The following MARCHF1 variants were observed in gnomAD, a reference collection of about 807,000 sequenced individuals.
MARCHF1 encodes E3 ubiquitin-protein ligase MARCHF1.
Under a neutral mutation model 54.2 loss-of-function variants are expected in MARCHF1, and 40 were observed. That is an observed-to-expected ratio of 0.74 (90% confidence interval 0.57 to 0.96). MARCHF1 has a LOEUF of 0.96. MARCHF1 is among the 40% of genes least tolerant of loss of function. The pLI is 0.00. For synonymous variants in MARCHF1, 236 were observed against 236.3 expected (o/e 1.00, Z 0.01); for missense variants, 586 against 656.5 (o/e 0.89, Z 1.17).
chr4:163,914,910 C>T (rs1174282016), intron 3 of MARCHF1, among the ~76,000 whole-genome samples: 1 of 152,054 alleles, frequency 6.6e-6, no homozygotes, highest in East Asian at 1.9e-4. Flanking sequence ...TTGAATACTT[C>T]GAGCTGCCGT....
intron 4 of MARCHF1, among the ~76,000 whole-genome samples, chr4:163,752,399 G>T (rs1331494969): frequency 6.6e-6 from 1 of 152,190 alleles, no homozygotes; most frequent in Non-Finnish European, 1.5e-5. Flanking sequence ...TAGGAAGGCA[G>T]TGTGGTATAC....
At chr4:163,742,719 C>T (rs1279640358) in intron 4 of MARCHF1, among the ~76,000 whole-genome samples, 2 of 151,948 alleles carry the variant, frequency 1.3e-5, no homozygotes, top group African/African-American at 4.8e-5. Context: ...CTGGAATGAT[C>T]CTCCCACCCG....
intron 3 of MARCHF1, among the ~76,000 whole-genome samples, chr4:163,985,883 T>C (rs908353879): frequency 3.5e-4 from 54 of 152,302 alleles, no homozygotes; most frequent in Non-Finnish European, 3.2e-4. Context: ...GAAATGTCCA[T>C]ATATGTACAA....
intron 1 of MARCHF1, among the ~76,000 whole-genome samples, chr4:164,359,098 G>A (rs1730649153): frequency 1.3e-5 from 2 of 152,020 alleles, no homozygotes; most frequent in Admixed American, 6.6e-5. Flanking sequence ...TTTCTAGTGC[G>A]ATAGATATAT....
At chr4:163,894,197 G>A (rs1430876293) in intron 3 of MARCHF1, among the ~76,000 whole-genome samples, 1 of 152,104 alleles carries the variant, frequency 6.6e-6, no homozygotes, top group Non-Finnish European at 1.5e-5. Context: ...TCAGCTAACT[G>A]TAAGAAGAAA....
chr4:163,679,301 G>A (rs927454346), intron 5 of MARCHF1, among the ~76,000 whole-genome samples: 4 of 152,202 alleles, frequency 2.6e-5, no homozygotes, highest in African/African-American at 9.7e-5. Flanking sequence ...TTTTCCAGAA[G>A]AAAATCTCTG....
At chr4:164,300,693 A>T (rs1734532936) in intron 1 of MARCHF1, among the ~76,000 whole-genome samples, 1 of 152,150 alleles carries the variant, frequency 6.6e-6, no homozygotes, top group South Asian at 2.1e-4. Flanking sequence ...TGTGTGTGCC[A>T]CTACATCCAG....
intron 2 of MARCHF1, among the ~76,000 whole-genome samples, chr4:164,054,331 T>A (rs1045055432): frequency 2.2e-4 from 34 of 152,134 alleles, no homozygotes; most frequent in African/African-American, 8.2e-4. Context: ...TTGGTGGGAC[T>A]GTAAACTAGT....
At chr4:163,753,262 C>CTAT (rs971443168) in intron 4 of MARCHF1, among the ~76,000 whole-genome samples, 29 of 150,802 alleles carry the variant, frequency 1.9e-4, no homozygotes, top group African/African-American at 6.8e-4. Context: ...GCTTTTTTTT[C>CTAT]TATTATTATT....
intron 4 of MARCHF1, among the ~76,000 whole-genome samples, chr4:163,742,288 G>C (rs1372090102): frequency 6.6e-6 from 1 of 151,936 alleles, no homozygotes; most frequent in Non-Finnish European, 1.5e-5. Context: ...TTATTGGCTA[G>C]TACTAAAAGG....
intron 4 of MARCHF1, among the ~76,000 whole-genome samples, chr4:163,745,856 T>C (rs1746343627): frequency 6.6e-6 from 1 of 152,032 alleles, no homozygotes; most frequent in Admixed American, 6.6e-5. Flanking sequence ...AAAAAGAGAC[T>C]TTATTTTTTA....
At chr4:163,962,373 T>C (rs1752359292) in intron 3 of MARCHF1, among the ~76,000 whole-genome samples, 1 of 151,694 alleles carries the variant, frequency 6.6e-6, no homozygotes, top group East Asian at 1.9e-4. Flanking sequence ...GGCGGAGGTG[T>C]GGAATTGGGG....
At chr4:163,594,708 C>A (rs1200251165) in intron 7 of MARCHF1, among the ~76,000 whole-genome samples, 1 of 150,750 alleles carries the variant, frequency 6.6e-6, no homozygotes, top group Non-Finnish European at 1.5e-5. Flanking sequence ...AAATCAGAGT[C>A]ACAGTGAAAT....
chr4:164,349,437 T>G (rs2110875508), intron 1 of MARCHF1, among the ~76,000 whole-genome samples: 1 of 152,288 alleles, frequency 6.6e-6, no homozygotes, highest in African/African-American at 2.4e-5. Context: ...GAAGTATTCT[T>G]TTTTTGATAA....
chr4:164,302,348 T>G (rs1734582987), intron 1 of MARCHF1, among the ~76,000 whole-genome samples: 1 of 152,158 alleles, frequency 6.6e-6, no homozygotes, highest in Non-Finnish European at 1.5e-5. Context: ...CAAGTAAAAT[T>G]TATAAGTGGT....
At chr4:163,585,230 T>A (rs1277198216) in intron 8 of MARCHF1, 2 of 152,174 alleles carry the variant, frequency 1.3e-5, no homozygotes, top group Non-Finnish European at 2.9e-5. Flanking sequence ...CTACTCTAAT[T>A]ACACATGTGC....
chr4:164,343,490 T>C (rs1729986053), intron 1 of MARCHF1, among the ~76,000 whole-genome samples: 1 of 152,146 alleles, frequency 6.6e-6, no homozygotes, highest in African/African-American at 2.4e-5. Context: ...GTATTGAGAA[T>C]CTGTAAGGAA....
chr4:163,824,366 C>G (rs1748784296), intron 4 of MARCHF1, among the ~76,000 whole-genome samples: 1 of 150,602 alleles, frequency 6.6e-6, no homozygotes, highest in South Asian at 2.1e-4. Context: ...CTTTGACAAA[C>G]CTGAGAAAAA....
intron 7 of MARCHF1, among the ~76,000 whole-genome samples, chr4:163,601,478 A>G (rs1434983902): frequency 1.3e-5 from 2 of 152,106 alleles, no homozygotes; most frequent in Non-Finnish European, 2.9e-5. Context: ...CACATAGTTC[A>G]GTATAACTGC....
Sources: allele counts gnomAD v4.1 joint callset (sites outside exome capture counted in the v4.1 genomes callset), GRCh38; gene constraint gnomAD v4.1.1; transcripts MANE v1.5; gene names NCBI Gene and HGNC (gene_info 2026-07-23, HGNC 2026-07-21).